The following VWA2 variants were observed in gnomAD, a reference collection of about 807,000 sequenced individuals.
VWA2 encodes von Willebrand factor A domain-containing protein 2.
VWA2 carries 73 observed loss-of-function variants against 70.4 expected under a neutral mutation model. That is an observed-to-expected ratio of 1.04 (90% CI 0.86 to 1.26). The LOEUF (loss-of-function observed/expected upper bound fraction) is 1.26, where lower values mean the gene tolerates loss of function less well. Among genes scored for constraint, VWA2 ranks in the 50% most tolerant of loss-of-function variants. The pLI is 0.00. For missense variants in VWA2, 1,011 were observed against 998.5 expected, an observed-to-expected ratio of 1.01 and a Z score of -0.17; for synonymous variants, 407 against 423.3, an observed-to-expected ratio of 0.96 and a Z score of 0.47.
Position 114,244,538 on chromosome 10 carries a change from C to T in VWA2, c.-10-4166C>T, listed in dbSNP as rs971382904. On this transcript the variant is annotated intron_variant, in intron 1 of 13. Coordinates refer to ENST00000392982, the MANE Select transcript of VWA2 (RefSeq NM_001272046.2). ...TGGCTGCGAGGATTAGGAGAGAAGA[C>T]ATGAAGGGCGGAGCCTGTGTGTCTT... is the stretch of plus-strand genomic sequence containing the variant. Among the ~76,000 whole-genome samples, 58 of 152,282 alleles carry T rather than the reference C, an allele frequency of 3.8e-4. 1 individual carries two copies. The highest frequency in any genetic ancestry group is 6.2e-4 in the South Asian group (3 of 4,824).
At position 114,293,491 on chromosome 10, in the gene VWA2, T is replaced by C. The variant is rs980520482; in HGVS notation, c.*2254T>C. Among the ~76,000 whole-genome samples, 1 of 152,216 alleles carries C rather than the reference T, an allele frequency of 6.6e-6. No individual in the cohort carries two copies. Among genetic ancestry groups the C allele is most frequent in the Non-Finnish European group, 1.5e-5 (1 of 68,032 alleles). ...GGGTTTCTCGCCTTTGAAACATTTT[T>C]TCCCCTTTTGTAGTGACAGTGCCAC... On this transcript the variant is annotated 3_prime_UTR_variant, in exon 14 of 14. Transcript: ENST00000392982.
In VWA2 at chr10:114,255,139, C is replaced by G; in HGVS notation, c.261+91C>G. 2.0e-6 allele frequency: 3 copies of G among 1,522,696 alleles called. No homozygotes were observed. The South Asian group carries it at 3.6e-5, about 18-fold the overall frequency. 94.3% of individuals were successfully genotyped at this position (1,522,696 alleles called of 1,614,324 possible). On this transcript the variant is annotated intron_variant, in intron 4 of 13. Transcript: ENST00000392982. Reference sequence around the variant, plus strand: ...CTCAAGCAGAGGAGGCATCTACTCGCTTGTGGAGCTGGGAAGACCAAGGGG... The same window carrying G: ...CTCAAGCAGAGGAGGCATCTACTCGGTTGTGGAGCTGGGAAGACCAAGGGG...
intron 1 of VWA2, among the ~76,000 whole-genome samples, chr10:114,240,742 T>C (rs1165368670): frequency 6.6e-6 from 1 of 152,224 alleles, no homozygotes; most frequent in African/African-American, 2.4e-5. Flanking sequence ...TTCAGCAGGC[T>C]GAAGCCATCC....
intron 1 of VWA2, among the ~76,000 whole-genome samples, chr10:114,247,000 G>A (rs1016473427): frequency 2.7e-4 from 41 of 152,140 alleles, no homozygotes; most frequent in African/African-American, 9.4e-4. Flanking sequence ...CTCAGCCTGG[G>A]CCAGGCATGG....
At chr10:114,269,867 A>G (rs2037669224) in intron 5 of VWA2, among the ~76,000 whole-genome samples, 1 of 152,228 alleles carries the variant, frequency 6.6e-6, no homozygotes, top group African/African-American at 2.4e-5. Context: ...CATAGGGCTC[A>G]CTGGCCAGTG....
intron 5 of VWA2, among the ~76,000 whole-genome samples, chr10:114,270,369 T>C (rs114395897): frequency 2.1e-3 from 313 of 152,358 alleles, no homozygotes; most frequent in African/African-American, 7.0e-3. Flanking sequence ...GCGAGAATTA[T>C]ATGATAATAT....
chr10:114,286,053 G>C lies in VWA2; in HGVS notation c.1112G>C (p.Arg371Pro). ...AAAGTCTTCGTGAAGCGGTTTGTGC[G>C]GGCCGTGCTGAGCGAGGACTCTCGG... ...RAKVFVKRFV[R>P]AVLSEDSRAR... The change falls in exon 11 of 14, where the codon CGG (arginine) becomes CCG (proline). Residue 371 changes from arginine to proline, a missense_variant. By Grantham distance (103) the Arg-to-Pro change is moderately radical. Coordinates refer to ENST00000392982, the MANE Select transcript of VWA2 (RefSeq NM_001272046.2). 6.2e-7 allele frequency: 1 copy of C among 1,614,170 alleles called. No individual in the cohort carries two copies. Among genetic ancestry groups the C allele is most frequent in the Non-Finnish European group, 8.5e-7 (1 of 1,180,036 alleles).
chr10:114,267,562 G>T (rs1454616628), intron 5 of VWA2, among the ~76,000 whole-genome samples: 2 of 151,268 alleles, frequency 1.3e-5, no homozygotes, highest in African/African-American at 4.9e-5. Context: ...CCTCCCGATA[G>T]CTGGGATTAC....
At chr10:114,245,569 G>C (rs889356949) in intron 1 of VWA2, among the ~76,000 whole-genome samples, 1 of 152,188 alleles carries the variant, frequency 6.6e-6, no homozygotes, top group Non-Finnish European at 1.5e-5. Context: ...CAGGCGGCAG[G>C]TGGGGGCTTG....
chr10:114,256,904 C>T lies in VWA2; in HGVS notation c.261+1856C>T, dbSNP rs527459868. ...CAGCCTGGGCGACAGAGTGAAACAC[C>T]GTCTCAAAAAAAAAAAAAAAAAAAA... On this transcript the variant is annotated intron_variant, in intron 4 of 13. Coordinates refer to ENST00000392982, the MANE Select transcript of VWA2 (RefSeq NM_001272046.2). Among the ~76,000 whole-genome samples the T allele has an allele frequency of 3.9e-3, 490 of 127,042 alleles. 4 individuals carry two copies. Among genetic ancestry groups the T allele is most frequent in the Middle Eastern group, 0.037 (9 of 246 alleles). 83.3% of individuals were successfully genotyped at this position (127,042 alleles called of 152,430 possible).
intron 8 of VWA2, among the ~76,000 whole-genome samples, chr10:114,279,475 A>G (rs1007117539): frequency 1.4e-4 from 21 of 152,072 alleles, no homozygotes; most frequent in African/African-American, 5.1e-4. Flanking sequence ...ATCTTTACCC[A>G]TTGGTCCTCC....
chr10:114,285,101 A>G (rs967118193), intron 10 of VWA2, 131 bp downstream of exon 10: 2 of 653,520 alleles, frequency 3.1e-6, no homozygotes, highest in African/African-American at 3.8e-5. Flanking sequence ...CCAATGCACC[A>G]CTGGTCTGCA....
intron 8 of VWA2, among the ~76,000 whole-genome samples, chr10:114,282,150 C>T (rs1292414703): frequency 6.6e-6 from 1 of 152,074 alleles, no homozygotes; most frequent in East Asian, 1.9e-4. Flanking sequence ...ATTACAGGCA[C>T]ATGCCACCAC....
chr10:114,275,128 G>C (rs893989284), intron 6 of VWA2, among the ~76,000 whole-genome samples: 1 of 152,126 alleles, frequency 6.6e-6, no homozygotes. Context: ...AGGTAGTGGG[G>C]ACAGGGAGAG....
chr10:114,285,873 C>T (rs955514017), intron 10 of VWA2, 66 bp from the exon 11 acceptor site: 30 of 1,462,302 alleles, frequency 2.1e-5, no homozygotes, highest in Admixed American at 1.9e-4. Flanking sequence ...TTCGGCATCT[C>T]GGGTGGGACA....
At chr10:114,279,940 C>G (rs528731577) in intron 8 of VWA2, among the ~76,000 whole-genome samples, 137 of 152,304 alleles carry the variant, frequency 9.0e-4, no homozygotes, top group Non-Finnish European at 1.7e-3. Context: ...GTGGGCAAGG[C>G]GCTCAGAGCC....
At chr10:114,282,006 G>T (rs2133423966) in intron 8 of VWA2, among the ~76,000 whole-genome samples, 1 of 79,614 alleles carries the variant, frequency 1.3e-5, no homozygotes, top group Non-Finnish European at 2.6e-5. Context: ...GTGATAGCCA[G>T]CTTATGTTAC....
At chr10:114,278,183 C>T in intron 7 of VWA2, 136 bp downstream of exon 7, 1 of 1,257,054 alleles carries the variant, frequency 8.0e-7, no homozygotes, top group East Asian at 2.5e-5. Flanking sequence ...CAGCCTCCAC[C>T]CTGGATGCTC....
At position 114,294,416 on chromosome 10, in the gene VWA2, G is replaced by A. The variant is rs1014324769; in HGVS notation, c.*3179G>A. Among the ~76,000 whole-genome samples, 1 of 151,990 alleles carries A rather than the reference G, an allele frequency of 6.6e-6. No individual in the cohort carries two copies. Among genetic ancestry groups the A allele is most frequent in the African/African-American group, 2.4e-5 (1 of 41,360 alleles). ...GTTCTGCTATTTCATATTGCCTTAG[G>A]TTGTCTATTTGTCTCTTTAATGAAC... On this transcript the variant is annotated 3_prime_UTR_variant, in exon 14 of 14. Transcript: ENST00000392982.
Sources: gnomAD v4.1 joint callset for allele counts (sites outside exome capture counted in the v4.1 genomes callset) on GRCh38, gnomAD v4.1.1 for gene constraint, MANE v1.5 for transcripts, NCBI Gene and HGNC (gene_info 2026-07-23, HGNC 2026-07-21) for gene names.